Variants in CHFR observed in about 807,000 individuals in gnomAD.
The protein encoded by CHFR is E3 ubiquitin-protein ligase CHFR.
A neutral mutation model predicts 87.6 loss-of-function variants in CHFR; 57 were observed. The observed-to-expected ratio is 0.65, with a 90% CI of 0.53 to 0.81. CHFR has a LOEUF of 0.81. Ranked by LOEUF, CHFR falls within the 30% of genes least tolerant of loss-of-function variation. The probability of loss-of-function intolerance (pLI) is 0.00; values close to 1 mark genes in which losing one functional copy is unlikely to be tolerated. For missense variants in CHFR, 797 were observed against 865.8 expected (o/e 0.92, Z 1.00); for synonymous variants, 381 against 359.2 (o/e 1.06, Z -0.69).
At chr12:132,871,018 T>C (rs1201087023) in intron 4 of CHFR, among the ~76,000 whole-genome samples, 1 of 152,210 alleles carries the variant, frequency 6.6e-6, no homozygotes, top group African/African-American at 2.4e-5. Context: ...AGGTGAAGAA[T>C]CTATGCCTCA....
intron 10 of CHFR, chr12:132,854,888 T>G (rs1233078360): frequency 1.3e-5 from 2 of 151,564 alleles, no homozygotes; most frequent in Non-Finnish European, 2.9e-5. Context: ...GCTAATCACC[T>G]GAGGTCAGGA....
intron 15 of CHFR, among the ~76,000 whole-genome samples, chr12:132,846,218 G>A (rs1593448124): frequency 6.6e-6 from 1 of 151,716 alleles, no homozygotes. Flanking sequence ...CCCCTACAAG[G>A]ATAGAAGCTG....
At chr12:132,871,263 C>T (rs1388893856) in intron 4 of CHFR, among the ~76,000 whole-genome samples, 2 of 152,020 alleles carry the variant, frequency 1.3e-5, no homozygotes, top group African/African-American at 4.8e-5. Context: ...ACCAGCCTGG[C>T]CAACACGGCG....
chr12:132,861,551 G>T lies in CHFR; in HGVS notation c.667C>A (p.Pro223Thr), dbSNP rs1366834805. ...DEVSSFASAL[P>T]DRKTASFSSL... ...GAAAAGGACGCAGTCTTTCTGTCTG[G>T]GAGAGCTGAGGCAAAGCTGGAGACT... is the stretch of plus-strand genomic sequence containing the variant. Residue 223 changes from proline (P) to threonine (T), a missense_variant, in exon 7 of 18, where the codon CCA becomes ACA. By Grantham distance (38) the Pro-to-Thr change is conservative. Around this residue, in one of 2 missense-constraint regions of CHFR, gnomAD observed 597 missense variants for 601.2 expected, o/e 0.99. Coordinates refer to ENST00000450056, the MANE Select transcript of CHFR (RefSeq NM_001161346.2). 2.5e-6 allele frequency: 4 copies of T among 1,614,236 alleles called. No homozygotes were observed. The highest frequency in any genetic ancestry group is 1.7e-6 in the Non-Finnish European group (2 of 1,180,046).
chr12:132,877,941 T>C (rs1020799742), intron 2 of CHFR, among the ~76,000 whole-genome samples: 11 of 152,180 alleles, frequency 7.2e-5, no homozygotes, highest in African/African-American at 2.7e-4. Context: ...TAGCTGGGAC[T>C]GCAGGCGCCC....
intron 10 of CHFR, among the ~76,000 whole-genome samples, chr12:132,855,822 G>A (rs1438383597): frequency 6.6e-6 from 1 of 151,910 alleles, no homozygotes; most frequent in Non-Finnish European, 1.5e-5. Context: ...GCTAAACTTG[G>A]CAAAAGGAAA....
intron 7 of CHFR, among the ~76,000 whole-genome samples, chr12:132,859,950 T>G (rs963863371): frequency 1.3e-5 from 2 of 152,012 alleles, no homozygotes; most frequent in Non-Finnish European, 2.9e-5. Context: ...AAGGCTGAGG[T>G]GGGAGGACAG....
intron 7 of CHFR, 86 bp from the exon 8 acceptor site, chr12:132,859,313 G>A (rs1951160876): frequency 3.8e-6 from 5 of 1,310,000 alleles, no homozygotes; most frequent in Non-Finnish European, 5.3e-6. Flanking sequence ...CAGGAGAAAG[G>A]GATGTGTTCT....
Position 132,854,382 on chromosome 12 carries a change from G to T in CHFR, c.1230-809C>A, listed in dbSNP as rs192962720. The T allele has an allele frequency of 2.0e-5, 3 of 152,298 alleles. No homozygotes were observed. The East Asian group carries it at 5.8e-4, about 29-fold the overall frequency. The allele number at this position is 152,298 out of a possible 1,614,324, so 9.4% of individuals were successfully genotyped here. A position where few individuals can be genotyped will look rare whatever the true frequency, so the allele number is the denominator to read the frequency against. On this transcript the variant is annotated intron_variant, in intron 10 of 17. Transcript: ENST00000450056. ...GGTCCAATTCCCAGTCACACTCTGT[G>T]ACTCGACTGCTTCACGTCTAAACAT...
intron 6 of CHFR, among the ~76,000 whole-genome samples, chr12:132,868,341 T>C (rs1951397743): frequency 6.6e-6 from 1 of 152,032 alleles, no homozygotes; most frequent in South Asian, 2.1e-4. Context: ...ATACAAAAAA[T>C]TAGCCAGGCG....
chr12:132,871,562 G>A (rs551790942), intron 4 of CHFR, among the ~76,000 whole-genome samples: 1 of 150,446 alleles, frequency 6.6e-6, no homozygotes, highest in African/African-American at 2.4e-5. Context: ...ACCTGAGGTC[G>A]GGAGTTTGAG....
chr12:132,853,317 G>C (rs944033912), intron 11 of CHFR, 114 bp downstream of exon 11: 5 of 1,161,854 alleles, frequency 4.3e-6, no homozygotes, highest in South Asian at 1.9e-5. Context: ...GGCCCAAAGG[G>C]GGCGAGCAGT....
At chr12:132,851,148 G>A (rs891373934) in intron 12 of CHFR, among the ~76,000 whole-genome samples, 2 of 151,908 alleles carry the variant, frequency 1.3e-5, no homozygotes, top group African/African-American at 4.8e-5. Context: ...ACACCATCAT[G>A]TCTGGCTAAT....
intron 3 of CHFR, among the ~76,000 whole-genome samples, chr12:132,873,319 G>A (rs1951535215): frequency 6.6e-6 from 1 of 152,184 alleles, no homozygotes; most frequent in East Asian, 1.9e-4. Flanking sequence ...GAAAGCAAAT[G>A]CAGACAGTAA....
At chr12:132,864,885 A>C (rs922972644) in intron 6 of CHFR, among the ~76,000 whole-genome samples, 2 of 152,048 alleles carry the variant, frequency 1.3e-5, no homozygotes, top group African/African-American at 4.8e-5. Flanking sequence ...TATTACCCAG[A>C]CTACACACTG....
chr12:132,870,526 C>T (rs866732655), intron 5 of CHFR, among the ~76,000 whole-genome samples, 198 bp downstream of exon 5: 1 of 128,338 alleles, frequency 7.8e-6, no homozygotes, highest in African/African-American at 2.9e-5. Flanking sequence ...AGCAAAACTC[C>T]GTCTCAAAAA....
In CHFR at chr12:132,859,223, C is replaced by T. The variant is rs1951157390; in HGVS notation, c.756G>A (p.Gly252=). 1 of 1,612,336 alleles carries T rather than the reference C, an allele frequency of 6.2e-7. No homozygotes were observed. Among genetic ancestry groups the T allele is most frequent in the Non-Finnish European group, 8.5e-7 (1 of 1,179,096 alleles). The change falls in exon 8 of 18, where the codon GGG becomes GGA. Residue 252 remains glycine, a synonymous_variant. Coordinates refer to ENST00000450056, the MANE Select transcript of CHFR (RefSeq NM_001161346.2). ...EPVKKKMRGD[G]DLDLNGQLLV... is the part of the protein sequence containing the mutation. ...ACAACTGCCCGTTCAGGTCAAGGTC[C>T]CCATCTACAGGAGAAAGGGATGTGT...
chr12:132,884,184 C>T (rs1168589062), intron 2 of CHFR, among the ~76,000 whole-genome samples: 1 of 151,750 alleles, frequency 6.6e-6, no homozygotes, highest in Non-Finnish European at 1.5e-5. Context: ...TTTGGGAAGC[C>T]GAGGCGGGTG....
Position 132,872,398 on chromosome 12 carries a change from T to C in CHFR, c.234-4A>G, listed in dbSNP as rs1555272666. On this transcript the variant is annotated splice_polypyrimidine_tract_variant and splice_region_variant and intron_variant, in intron 3 of 17. Coordinates refer to ENST00000450056, the MANE Select transcript of CHFR (RefSeq NM_001161346.2). ...GTTAATCACTGTTCCACTGGTGCTG[T>C]AAAAAAACAAAAACACAATTTATTC... 1.9e-6 allele frequency: 3 copies of C among 1,601,638 alleles called. No homozygotes were observed. The highest frequency in any genetic ancestry group is 2.2e-5 in the South Asian group (2 of 90,354).
Sources: gnomAD v4.1 joint callset for allele counts (sites outside exome capture counted in the v4.1 genomes callset) on GRCh38, gnomAD v4.1.1 for gene constraint, gnomAD v4.1.1 regional missense constraint, MANE v1.5 for transcripts, NCBI Gene and HGNC (gene_info 2026-07-23, HGNC 2026-07-21) for gene names.